PARD3: variants seen among roughly 807,000 people sequenced by gnomAD.
The protein encoded by PARD3 is par-3 family cell polarity regulator, also known as partitioning defective 3 homolog.
In PARD3, 75 loss-of-function variants were observed where a neutral mutation model predicts 155.4. That is an observed-to-expected ratio of 0.48 (90% CI 0.40 to 0.58). The LOEUF (loss-of-function observed/expected upper bound fraction) is 0.58. PARD3 is among the 20% of genes least tolerant of loss of function. The pLI is 0.00. For synonymous variants in PARD3, 576 were observed against 610.5 expected, an observed-to-expected ratio of 0.94 and a Z score of 0.83; for missense variants, 1,642 against 1,721.7, an observed-to-expected ratio of 0.95 and a Z score of 0.82.
chr10:34,800,339 T>C (rs1206998343), intron 1 of PARD3, among the ~76,000 whole-genome samples: 1 of 152,018 alleles, frequency 6.6e-6, no homozygotes, highest in African/African-American at 2.4e-5. Context: ...CCAGGCACGG[T>C]GGCTCAGGCC....
chr10:34,236,195 T>C (rs1029883976), intron 22 of PARD3, among the ~76,000 whole-genome samples: 3 of 151,138 alleles, frequency 2.0e-5, no homozygotes, highest in Non-Finnish European at 4.4e-5. Flanking sequence ...ACTGGAGAGA[T>C]GATGACTAAA....
In PARD3 at chr10:34,177,030, G is replaced by A. The variant is rs571842265; in HGVS notation, c.3420-45447C>T. ...TGGTGTACATGTGTGTTTGTGTGTC[G>A]GTGTGGGGTCTGTGTTTGTGTGTGT... On this transcript the variant is annotated intron_variant, in intron 22 of 24. Transcript: ENST00000374788. Among the ~76,000 whole-genome samples the A allele has an allele frequency of 4.7e-5, 7 of 150,234 alleles. No individual in the cohort carries two copies. In the South Asian group the frequency reaches 1.0e-3, roughly 22 times the overall value.
At chr10:34,163,761 C>T (rs766820452) in intron 22 of PARD3, among the ~76,000 whole-genome samples, 5 of 152,214 alleles carry the variant, frequency 3.3e-5, no homozygotes, top group African/African-American at 4.8e-5. Flanking sequence ...GATCTGCTCA[C>T]GCACCGTTAC....
At chr10:34,558,848 G>A (rs886957502) in intron 2 of PARD3, among the ~76,000 whole-genome samples, 3 of 152,192 alleles carry the variant, frequency 2.0e-5, no homozygotes, top group African/African-American at 7.2e-5. Flanking sequence ...TCAGGAGGCT[G>A]AGGCAGAAGA....
At chr10:34,644,661 G>A (rs551212072) in intron 2 of PARD3, among the ~76,000 whole-genome samples, 3 of 152,302 alleles carry the variant, frequency 2.0e-5, no homozygotes, top group Admixed American at 1.3e-4. Context: ...CATCACTTAC[G>A]GGGTATAACA....
At chr10:34,357,125 C>G (rs1269571484) in intron 14 of PARD3, among the ~76,000 whole-genome samples, 2 of 152,116 alleles carry the variant, frequency 1.3e-5, no homozygotes, top group African/African-American at 4.8e-5. Context: ...TTTATCAAAA[C>G]ATTTTCAGGC....
chr10:34,535,315 A>G (rs1340345991), intron 2 of PARD3, among the ~76,000 whole-genome samples: 2 of 152,152 alleles, frequency 1.3e-5, no homozygotes, highest in Non-Finnish European at 2.9e-5. Context: ...CCATCAGAGA[A>G]CGCTGTCTTG....
intron 22 of PARD3, among the ~76,000 whole-genome samples, chr10:34,243,403 G>C (rs1261132118): frequency 6.6e-6 from 1 of 152,166 alleles, no homozygotes; most frequent in Admixed American, 6.5e-5. Context: ...ATGGCCCGCA[G>C]TTTTTACAGA....
In PARD3 at chr10:34,329,858, A is replaced by G. The variant is rs78185219; in HGVS notation, c.2833+1259T>C. 8.8e-3 allele frequency among the ~76,000 whole-genome samples: 1,333 copies of G among 152,336 alleles called. 13 individuals carry two copies. The highest frequency in any genetic ancestry group is 0.015 in the Non-Finnish European group (1,015 of 68,034). The stretch of plus-strand genomic sequence containing the variant: ...TATGACAGAAATATTCATCTTCCCA[A>G]ACGCATTATATGTATAAGCATTATA... On this transcript the variant is annotated intron_variant, in intron 19 of 24. Transcript: ENST00000374788.
intron 1 of PARD3, among the ~76,000 whole-genome samples, chr10:34,717,601 G>T (rs950585949): frequency 2.6e-5 from 4 of 152,062 alleles, no homozygotes; most frequent in African/African-American, 9.7e-5. Context: ...GCAAAGTCAC[G>T]GTCCCACGCA....
chr10:34,580,496 T>C (rs546689366), intron 2 of PARD3, among the ~76,000 whole-genome samples: 3 of 152,304 alleles, frequency 2.0e-5, no homozygotes, highest in East Asian at 1.9e-4. Context: ...AATCTCACCA[T>C]TGCAGTCCAG....
At chr10:34,557,206 T>C (rs1477570194) in intron 2 of PARD3, among the ~76,000 whole-genome samples, 3 of 152,208 alleles carry the variant, frequency 2.0e-5, no homozygotes, top group African/African-American at 4.8e-5. Flanking sequence ...TCCGAGTATG[T>C]TGGTTTTGAG....
intron 2 of PARD3, among the ~76,000 whole-genome samples, chr10:34,633,396 G>T (rs1304726945): frequency 6.8e-6 from 1 of 146,584 alleles, no homozygotes; most frequent in African/African-American, 2.6e-5. Context: ...CTTTGCTTCT[G>T]TGAGTTTAAT....
chr10:34,341,821 C>G lies in PARD3; in HGVS notation c.2219-5G>C, dbSNP rs1228208683. ...TAGGGGACAGCTGGTATTTACCTGT[C>G]CAGTGAAAAAAGAAGAAGAGAAAAT... On this transcript the variant is annotated splice_region_variant and splice_polypyrimidine_tract_variant and intron_variant, in intron 15 of 24. Coordinates refer to ENST00000374788, the MANE Select transcript of PARD3 (RefSeq NM_001184785.2). 1 of 1,563,624 alleles carries G rather than the reference C, an allele frequency of 6.4e-7. No individual in the cohort carries two copies. Among genetic ancestry groups the G allele is most frequent in the Admixed American group, 1.9e-5 (1 of 52,798 alleles).
chr10:34,685,593 A>C (rs898289493), intron 2 of PARD3, among the ~76,000 whole-genome samples: 5 of 127,550 alleles, frequency 3.9e-5, no homozygotes, highest in African/African-American at 1.3e-4. Context: ...TGATTCCCGC[A>C]ATCTTTTTTT....
intron 20 of PARD3, among the ~76,000 whole-genome samples, chr10:34,295,922 A>G (rs1956887469): frequency 6.6e-6 from 1 of 152,128 alleles, no homozygotes; most frequent in South Asian, 2.1e-4. Flanking sequence ...AGCCTTCCAT[A>G]CCCATTCTTT....
At chr10:34,790,429 G>A (rs950176293) in intron 1 of PARD3, among the ~76,000 whole-genome samples, 2 of 152,182 alleles carry the variant, frequency 1.3e-5, no homozygotes, top group African/African-American at 4.8e-5. Context: ...AAGTGACAGA[G>A]AATGGAAACT....
chr10:34,506,754 T>G (rs1589813999), intron 3 of PARD3, among the ~76,000 whole-genome samples: 1 of 152,238 alleles, frequency 6.6e-6, no homozygotes, highest in South Asian at 2.1e-4. Flanking sequence ...AACAGGCAAA[T>G]TAAAAAATAA....
chr10:34,344,887 T>C (rs921723735), intron 15 of PARD3: 18 of 985,268 alleles, frequency 1.8e-5, no homozygotes, highest in Non-Finnish European at 2.2e-5. Flanking sequence ...AGTGTGCAAC[T>C]TCTGTCAAGT....
Sources: gnomAD v4.1 joint callset for allele counts (sites outside exome capture counted in the v4.1 genomes callset) on GRCh38, gnomAD v4.1.1 for gene constraint, MANE v1.5 for transcripts, NCBI Gene and HGNC (gene_info 2026-07-23, HGNC 2026-07-21) for gene names.